Variants in ZFHX3 observed in about 807,000 individuals in gnomAD.
The protein encoded by ZFHX3 is zinc finger homeobox 3, also known as zinc finger homeobox protein 3.
In ZFHX3, 42 loss-of-function variants were observed where a neutral mutation model predicts 279.1. The observed-to-expected ratio is 0.15, with a 90% confidence interval of 0.12 to 0.19. The LOEUF is 0.19. Ranked by LOEUF, ZFHX3 falls within the 10% of genes least tolerant of loss-of-function variation. The pLI is 1.00. For synonymous variants in ZFHX3, 2,293 were observed against 1,957.8 expected (o/e 1.17, Z -4.52); for missense variants, 4,981 against 4,754.0 (o/e 1.05, Z -1.40).
At chr16:73,009,731 C>A (rs1963844445) in intron 1 of ZFHX3, among the ~76,000 whole-genome samples, 1 of 152,030 alleles carries the variant, frequency 6.6e-6, no homozygotes, top group African/African-American at 2.4e-5. Context: ...TTAAGAAACT[C>A]ACAAAGGGGC....
chr16:73,328,104 C>A (rs925787771), intron 3 of ZFHX3, among the ~76,000 whole-genome samples: 9 of 152,020 alleles, frequency 5.9e-5, no homozygotes, highest in Admixed American at 2.6e-4. Context: ...AAAGGCAGAG[C>A]AACTCAGGGT....
chr16:72,917,657 T>C (rs1312697259), intron 3 of ZFHX3, among the ~76,000 whole-genome samples: 1 of 152,220 alleles, frequency 6.6e-6, no homozygotes, highest in Non-Finnish European at 1.5e-5. Context: ...CACAGTATCA[T>C]TTCAATTCTA....
chr16:73,808,784 TAA>T (rs1960351610), intron 1 of ZFHX3, among the ~76,000 whole-genome samples: 1 of 151,994 alleles, frequency 6.6e-6, no homozygotes, highest in African/African-American at 2.4e-5. Context: ...GAGAAAGAAT[TAA>T]GAGTGGAAAG....
intron 1 of ZFHX3, among the ~76,000 whole-genome samples, chr16:73,813,280 G>A (rs1960474708): frequency 6.6e-6 from 1 of 151,258 alleles, no homozygotes; most frequent in Admixed American, 6.6e-5. Context: ...TTGGACAAGA[G>A]ACAAAATGCA....
intron 1 of ZFHX3, among the ~76,000 whole-genome samples, chr16:73,791,961 G>A (rs1239011562): frequency 6.6e-6 from 1 of 152,114 alleles, no homozygotes; most frequent in Non-Finnish European, 1.5e-5. Context: ...TTTACAGATG[G>A]GAAAATTAAG....
intron 4 of ZFHX3, among the ~76,000 whole-genome samples, chr16:72,830,757 G>A (rs944450242): frequency 6.6e-6 from 1 of 152,180 alleles, no homozygotes; most frequent in Non-Finnish European, 1.5e-5. Flanking sequence ...TTGCTTTCCT[G>A]GCCCTCCGAA....
chr16:73,058,364 C>A (rs1965613799), intron 1 of ZFHX3, among the ~76,000 whole-genome samples: 1 of 148,298 alleles, frequency 6.7e-6, no homozygotes. Context: ...GGAGCGCGGG[C>A]GGCGGCGGCC....
rs992586718 is a variant in ZFHX3 at position 72,785,447 on chromosome 16, C to T, written c.*1717G>A. 18 of 152,742 alleles carry T rather than the reference C, an allele frequency of 1.2e-4. No individual in the cohort carries two copies. The highest frequency in any genetic ancestry group is 2.0e-4 in the Admixed American group (3 of 15,304). The allele number at this position is 152,742 out of a possible 1,614,324, so 9.5% of individuals were successfully genotyped here. A position where few individuals can be genotyped will look rare whatever the true frequency, so the allele number is the denominator to read the frequency against. ...TTTTGGTATATGGAATTGTCATTAACATTTGCCTCTCTGCTTGCAGAAGAA... is the reference window on the plus strand; with the variant it reads ...TTTTGGTATATGGAATTGTCATTAATATTTGCCTCTCTGCTTGCAGAAGAA... On this transcript the variant is annotated 3_prime_UTR_variant, in exon 10 of 10. Transcript: ENST00000268489.
At chr16:72,928,190 G>C (rs563671629) in intron 3 of ZFHX3, among the ~76,000 whole-genome samples, 1 of 56,910 alleles carries the variant, frequency 1.8e-5, no homozygotes, top group African/African-American at 8.7e-5. Flanking sequence ...AGAGAGGGAG[G>C]GGGAGGGGAG....
At chr16:73,718,625 TA>T (rs200484764) in intron 1 of ZFHX3, among the ~76,000 whole-genome samples, 88,195 of 147,890 alleles carry the variant, frequency 0.6, 27,576 homozygotes, top group East Asian at 0.78. Flanking sequence ...TTTATTTATT[TA>T]TTTTTTTAAG....
intron 6 of ZFHX3, among the ~76,000 whole-genome samples, chr16:73,131,309 C>G (rs1282034028): frequency 6.6e-6 from 1 of 152,140 alleles, no homozygotes; most frequent in East Asian, 1.9e-4. Flanking sequence ...TTAATAAACG[C>G]AATTCATGGT....
At chr16:73,083,557 T>A (rs187024588) in intron 8 of ZFHX3, 2 of 152,368 alleles carry the variant, frequency 1.3e-5, no homozygotes, top group East Asian at 3.9e-4. Context: ...TGAGACAGGG[T>A]CTCACTTTGT....
intron 1 of ZFHX3, among the ~76,000 whole-genome samples, chr16:73,781,631 G>C (rs1032295699): frequency 1.3e-5 from 2 of 152,160 alleles, no homozygotes; most frequent in Non-Finnish European, 2.9e-5. Flanking sequence ...TTTCAGTATA[G>C]ATTATAGCCA....
intron 8 of ZFHX3, among the ~76,000 whole-genome samples, chr16:73,082,267 A>AT (rs369619247): frequency 2.0e-5 from 3 of 150,388 alleles, no homozygotes; most frequent in South Asian, 2.1e-4. Context: ...GAATGAATGA[A>AT]TTTTTTTTTC....
intron 5 of ZFHX3, among the ~76,000 whole-genome samples, chr16:72,820,445 G>C (rs910414034): frequency 3.9e-5 from 6 of 152,044 alleles, no homozygotes; most frequent in Non-Finnish European, 5.9e-5. Flanking sequence ...AGTCAAAACA[G>C]AGCCACCACC....
At chr16:73,236,802 T>C (rs2012963470) in intron 5 of ZFHX3, among the ~76,000 whole-genome samples, 1 of 152,122 alleles carries the variant, frequency 6.6e-6, no homozygotes, top group African/African-American at 2.4e-5. Flanking sequence ...TCCACAGCAC[T>C]CTTCATCTCA....
intron 2 of ZFHX3, among the ~76,000 whole-genome samples, chr16:73,616,946 A>C (rs1246191446): frequency 6.6e-6 from 1 of 152,170 alleles, no homozygotes; most frequent in Non-Finnish European, 1.5e-5. Flanking sequence ...GTCTGCTGTC[A>C]CTTCTCTATA....
intron 2 of ZFHX3, among the ~76,000 whole-genome samples, chr16:73,583,906 T>C (rs959162327): frequency 6.6e-6 from 1 of 151,792 alleles, no homozygotes; most frequent in Non-Finnish European, 1.5e-5. Context: ...TAACACTATA[T>C]AAGAAATAAT....
intron 2 of ZFHX3, among the ~76,000 whole-genome samples, chr16:73,563,171 TG>T (rs1218073335): frequency 0.019 from 48 of 2,546 alleles, 1 homozygote; most frequent in African/African-American, 0.077. Context: ...TTTGTTTTGT[TG>T]TGTGTGTGTG....
Sources: gnomAD v4.1 joint callset for allele counts (sites outside exome capture counted in the v4.1 genomes callset) on GRCh38, gnomAD v4.1.1 for gene constraint, MANE v1.5 for transcripts, NCBI Gene and HGNC (gene_info 2026-07-23, HGNC 2026-07-21) for gene names.